Variants in IGF2BP2 observed in about 807,000 individuals in gnomAD.
The protein encoded by IGF2BP2 is insulin like growth factor 2 mRNA binding protein 2.
Under a neutral mutation model 75.8 loss-of-function variants are expected in IGF2BP2, and 17 were observed. The ratio of observed to expected loss-of-function variants is 0.22; its 90% CI spans 0.15 to 0.34. IGF2BP2 has a LOEUF of 0.34. IGF2BP2 is among the 10% of genes least tolerant of loss of function. The probability of loss-of-function intolerance (pLI) is 1.00; values close to 1 mark genes in which losing one functional copy is unlikely to be tolerated. For missense variants in IGF2BP2, 516 were observed against 772.4 expected, an observed-to-expected ratio of 0.67 and a Z score of 3.93; for synonymous variants, 288 against 295.6, an observed-to-expected ratio of 0.97 and a Z score of 0.26.
intron 2 of IGF2BP2, among the ~76,000 whole-genome samples, chr3:185,736,180 G>A (rs1401075331): frequency 6.6e-6 from 1 of 152,108 alleles, no homozygotes; most frequent in Non-Finnish European, 1.5e-5. Flanking sequence ...AAGCTGCCTT[G>A]GCACCTCTAG....
In IGF2BP2 at chr3:185,793,254, C is replaced by G. The variant is rs146530471; in HGVS notation, c.239+29899G>C. ...TTAAGATAGTTGTTAAATTCAGATC[C>G]AAGGTTTGTCACCTTTCTCGCTGGT... is the stretch of plus-strand genomic sequence containing the variant. On this transcript the variant is annotated intron_variant, in intron 2 of 15. Transcript: ENST00000382199. Among the ~76,000 whole-genome samples the G allele has an allele frequency of 7.3e-4, 111 of 152,212 alleles. 3 individuals are homozygous for G. In the East Asian group the frequency reaches 0.02, roughly 28 times the overall value.
chr3:185,785,410 G>A (rs1169332540), intron 2 of IGF2BP2, among the ~76,000 whole-genome samples: 3 of 149,434 alleles, frequency 2.0e-5, no homozygotes, highest in African/African-American at 4.9e-5. Context: ...TGTCAATAAC[G>A]AGTGTTAAAA....
chr3:185,696,437 A>G, intron 4 of IGF2BP2, 175 bp downstream of exon 4: 2 of 601,702 alleles, frequency 3.3e-6, no homozygotes, highest in East Asian at 5.4e-5. Flanking sequence ...AGAAAGAGAC[A>G]GATATCTCTC....
intron 7 of IGF2BP2, among the ~76,000 whole-genome samples, chr3:185,679,296 G>A (rs1720015610): frequency 6.6e-6 from 1 of 151,428 alleles, no homozygotes; most frequent in Admixed American, 6.6e-5. Context: ...GGATACTATT[G>A]CAATTACATA....
At chr3:185,678,620 G>A (rs1488415100) in intron 7 of IGF2BP2, among the ~76,000 whole-genome samples, 1 of 152,142 alleles carries the variant, frequency 6.6e-6, no homozygotes, top group African/African-American at 2.4e-5. Context: ...TGCCATTGTT[G>A]GGTGGAATGT....
At chr3:185,704,937 T>C (rs1283065856) in intron 2 of IGF2BP2, among the ~76,000 whole-genome samples, 1 of 152,246 alleles carries the variant, frequency 6.6e-6, no homozygotes, top group Non-Finnish European at 1.5e-5. Flanking sequence ...CGAAATGTGT[T>C]CAACATAAAT....
At chr3:185,702,886 T>C (rs1723509264) in intron 2 of IGF2BP2, among the ~76,000 whole-genome samples, 1 of 152,208 alleles carries the variant, frequency 6.6e-6, no homozygotes, top group African/African-American at 2.4e-5. Context: ...TTATTTCACC[T>C]TCATTTTAAC....
intron 2 of IGF2BP2, among the ~76,000 whole-genome samples, chr3:185,724,247 G>C (rs187425086): frequency 6.6e-6 from 1 of 152,176 alleles, no homozygotes; most frequent in Non-Finnish European, 1.5e-5. Context: ...CCACTGGAGC[G>C]ACATGTGGTC....
intron 1 of IGF2BP2, 30 bp from the exon 2 acceptor site, chr3:185,823,243 C>T (rs1349897654): frequency 6.3e-7 from 1 of 1,576,624 alleles, no homozygotes; most frequent in Non-Finnish European, 8.7e-7. Context: ...GCACTCAGAA[C>T]CTTGCTTAGA....
chr3:185,790,563 T>C (rs1376487416), intron 2 of IGF2BP2, among the ~76,000 whole-genome samples: 1 of 152,192 alleles, frequency 6.6e-6, no homozygotes, highest in Non-Finnish European at 1.5e-5. Context: ...CCAATCACCC[T>C]TTACTTCGCT....
At chr3:185,758,531 T>G (rs920484707) in intron 2 of IGF2BP2, among the ~76,000 whole-genome samples, 1 of 151,924 alleles carries the variant, frequency 6.6e-6, no homozygotes, top group Non-Finnish European at 1.5e-5. Flanking sequence ...TGGCACGGAG[T>G]AGATGTTCAG....
chr3:185,730,955 T>C (rs1560374821), intron 2 of IGF2BP2, among the ~76,000 whole-genome samples: 1 of 152,218 alleles, frequency 6.6e-6, no homozygotes, highest in Admixed American at 6.5e-5. Flanking sequence ...GTGGTTTTAA[T>C]TCACATTTCT....
intron 2 of IGF2BP2, among the ~76,000 whole-genome samples, chr3:185,769,848 A>G (rs1389329576): frequency 6.6e-6 from 1 of 151,706 alleles, no homozygotes. Flanking sequence ...AAAAAAAAAA[A>G]AAAAAGAAAC....
chr3:185,797,198 G>C (rs1737537607), intron 2 of IGF2BP2, among the ~76,000 whole-genome samples: 1 of 152,162 alleles, frequency 6.6e-6, no homozygotes, highest in Non-Finnish European at 1.5e-5. Flanking sequence ...TTCCTATGCT[G>C]GGTACAATGA....
At chr3:185,698,463 G>T in intron 2 of IGF2BP2, 116 bp from the exon 3 acceptor site, 1 of 893,784 alleles carries the variant, frequency 1.1e-6, no homozygotes, top group Non-Finnish European at 1.8e-6. Flanking sequence ...GTTCACCATG[G>T]CATCAACAAA....
intron 2 of IGF2BP2, among the ~76,000 whole-genome samples, chr3:185,815,141 A>G (rs1470607074): frequency 6.6e-6 from 1 of 152,170 alleles, no homozygotes; most frequent in Non-Finnish European, 1.5e-5. Flanking sequence ...GTCAACCACA[A>G]TGATTTTTAA....
chr3:185,705,377 G>A (rs976181700), intron 2 of IGF2BP2, among the ~76,000 whole-genome samples: 2 of 152,224 alleles, frequency 1.3e-5, no homozygotes, highest in Non-Finnish European at 2.9e-5. Context: ...TTACAGGCAT[G>A]AGCCACTGTG....
intron 2 of IGF2BP2, among the ~76,000 whole-genome samples, chr3:185,741,125 G>C (rs1216636238): frequency 6.6e-6 from 1 of 152,054 alleles, no homozygotes; most frequent in East Asian, 1.9e-4. Flanking sequence ...CACCAGCCTC[G>C]GCCTCCCAAA....
intron 2 of IGF2BP2, chr3:185,820,973 C>T (rs562005464): frequency 6.5e-7 from 1 of 1,530,260 alleles, no homozygotes; most frequent in Admixed American, 2.0e-5. Flanking sequence ...AAATAGTCTC[C>T]ATATAACATA....
Sources: allele counts gnomAD v4.1 joint callset (sites outside exome capture counted in the v4.1 genomes callset), GRCh38; gene constraint gnomAD v4.1.1; transcripts MANE v1.5; gene names NCBI Gene and HGNC (gene_info 2026-07-23, HGNC 2026-07-21).